CCNY: variants seen among roughly 807,000 people sequenced by gnomAD.
CCNY encodes the protein cyclin Y.
CCNY carries 19 observed loss-of-function variants against 42.8 expected under a neutral mutation model. The ratio of observed to expected loss-of-function variants is 0.44; its 90% CI spans 0.31 to 0.65. The LOEUF (loss-of-function observed/expected upper bound fraction) is 0.65. Ranked by LOEUF, CCNY falls within the 30% of genes least tolerant of loss-of-function variation. CCNY has a pLI of 0.07. For synonymous variants in CCNY, 165 were observed against 162.7 expected, an observed-to-expected ratio of 1.01 and a Z score of -0.11; for missense variants, 370 against 437.3, an observed-to-expected ratio of 0.85 and a Z score of 1.37.
At chr10:35,410,699 C>G (rs1837884482) in intron 1 of CCNY, among the ~76,000 whole-genome samples, 1 of 152,204 alleles carries the variant, frequency 6.6e-6, no homozygotes, top group South Asian at 2.1e-4. Flanking sequence ...GAAATCAGTG[C>G]AAGCATACCA....
chr10:35,538,668 G>C (rs1840936053), intron 7 of CCNY, among the ~76,000 whole-genome samples: 1 of 152,178 alleles, frequency 6.6e-6, no homozygotes, highest in Non-Finnish European at 1.5e-5. Flanking sequence ...TCTTTTAGTT[G>C]TTGCATTATA....
intron 3 of CCNY, among the ~76,000 whole-genome samples, chr10:35,301,726 C>T (rs1429557144): frequency 3.3e-5 from 5 of 152,136 alleles, no homozygotes; most frequent in South Asian, 2.1e-4. Flanking sequence ...TCTCCCTGGG[C>T]GCAAGTGATC....
At chr10:35,377,561 A>C (rs532915964) in intron 1 of CCNY, among the ~76,000 whole-genome samples, 1 of 152,304 alleles carries the variant, frequency 6.6e-6, no homozygotes, top group South Asian at 2.1e-4. Context: ...TTACCTAACA[A>C]TACATTTCTC....
chr10:35,304,131 C>T (rs1268156775), intron 3 of CCNY, among the ~76,000 whole-genome samples: 2 of 152,126 alleles, frequency 1.3e-5, no homozygotes, highest in Non-Finnish European at 2.9e-5. Flanking sequence ...AGTAGCTTTG[C>T]ACCTCCTGCA....
intron 1 of CCNY, among the ~76,000 whole-genome samples, chr10:35,434,892 T>TA (rs1189805754): frequency 6.6e-6 from 1 of 152,214 alleles, no homozygotes; most frequent in African/African-American, 2.4e-5. Flanking sequence ...TTGTGCCCCT[T>TA]ATACTTTCTT....
chr10:35,552,852 C>T (rs1054697709), intron 7 of CCNY, among the ~76,000 whole-genome samples, 167 bp from the exon 8 acceptor site: 2 of 152,124 alleles, frequency 1.3e-5, no homozygotes, highest in South Asian at 4.1e-4. Flanking sequence ...TTTTAGCCCA[C>T]GTTTCATCAG....
At chr10:35,379,391 G>A (rs940527594) in intron 1 of CCNY, among the ~76,000 whole-genome samples, 5 of 152,330 alleles carry the variant, frequency 3.3e-5, no homozygotes, top group Non-Finnish European at 5.9e-5. Context: ...AGGGGAAGGT[G>A]GGGAGCGGTG....
intron 3 of CCNY, among the ~76,000 whole-genome samples, chr10:35,318,626 A>G (rs2135093117): frequency 6.6e-6 from 1 of 152,274 alleles, no homozygotes; most frequent in South Asian, 2.1e-4. Flanking sequence ...AGTTCTGACT[A>G]TATGTTTCCC....
chr10:35,566,275 C>T (rs1841570709), intron 9 of CCNY, 90 bp downstream of exon 9: 5 of 1,270,406 alleles, frequency 3.9e-6, no homozygotes, highest in South Asian at 2.9e-5. Context: ...TTGATCATTT[C>T]CCCCACTACA....
Position 35,436,695 on chromosome 10 carries a change from TTCTGTACGTTGGATGAAAATGAAA to T in CCNY, c.155-46681_155-46658del, listed in dbSNP as rs1199584463. On this transcript the variant is annotated intron_variant, in intron 1 of 9. Transcript: ENST00000374704. ...TTTTAGAACTGGTGGTGGCTTTGAC[TTCTGTACGTTGGATGAAAATGAAA>T]TCTGTACGTTGGATGAAAATGAAAT... 2.0e-4 allele frequency among the ~76,000 whole-genome samples: 31 copies of T among 152,358 alleles called. No homozygotes were observed. In the East Asian group the frequency reaches 5.4e-3, roughly 26 times the overall value.
chr10:35,358,062 T>G (rs1175632670), intron 1 of CCNY, among the ~76,000 whole-genome samples: 1 of 152,192 alleles, frequency 6.6e-6, no homozygotes, highest in Non-Finnish European at 1.5e-5. Context: ...GACATTTGCT[T>G]TTTAGAAATC....
intron 3 of CCNY, among the ~76,000 whole-genome samples, chr10:35,253,414 ATTTTTTTTT>A (rs61405875): frequency 0.15 from 13,372 of 88,790 alleles, 847 homozygotes; most frequent in Middle Eastern, 0.24. Flanking sequence ...CATGCTCACT[ATTTTTTTTT>A]TTTTTTTTTT....
At chr10:35,380,955 A>C (rs1837170010) in intron 1 of CCNY, among the ~76,000 whole-genome samples, 2 of 152,130 alleles carry the variant, frequency 1.3e-5, no homozygotes, top group South Asian at 4.1e-4. Context: ...CTGGGCTTGA[A>C]GCGTCCGAGT....
chr10:35,270,693 C>A (rs949066586), intron 3 of CCNY, among the ~76,000 whole-genome samples: 1 of 150,730 alleles, frequency 6.6e-6, no homozygotes, highest in African/African-American at 2.4e-5. Context: ...TACCCCTTTT[C>A]GCAATTCTTA....
chr10:35,502,741 T>C (rs1357833578), intron 3 of CCNY, among the ~76,000 whole-genome samples: 4 of 152,032 alleles, frequency 2.6e-5, no homozygotes, highest in African/African-American at 9.7e-5. Flanking sequence ...ATATGAAAAT[T>C]GCCATGCCTT....
chr10:35,292,781 G>GTTT (rs71033391), intron 3 of CCNY, among the ~76,000 whole-genome samples: 59 of 108,782 alleles, frequency 5.4e-4, no homozygotes, highest in African/African-American at 1.3e-3. Flanking sequence ...CTTTGTTTTT[G>GTTT]TTTTTTTTTT....
intron 1 of CCNY, among the ~76,000 whole-genome samples, chr10:35,396,124 G>C (rs1393937207): frequency 6.6e-6 from 1 of 152,178 alleles, no homozygotes; most frequent in Non-Finnish European, 1.5e-5. Context: ...GCACATAGCA[G>C]GTGCTTGATA....
chr10:35,329,755 T>TTGTGAGCAGG (rs1335501718), intron 3 of CCNY, among the ~76,000 whole-genome samples: 2 of 150,998 alleles, frequency 1.3e-5, no homozygotes. Flanking sequence ...ACAGAGGGAG[T>TTGTGAGCAGG]TGTGAGCAGG....
chr10:35,462,698 G>A (rs1047797326), intron 1 of CCNY, among the ~76,000 whole-genome samples: 2 of 152,194 alleles, frequency 1.3e-5, no homozygotes, highest in African/African-American at 4.8e-5. Flanking sequence ...AGAGCAGAGG[G>A]GCTGGTGCTG....
Sources: gnomAD v4.1 joint callset for allele counts (sites outside exome capture counted in the v4.1 genomes callset) on GRCh38, gnomAD v4.1.1 for gene constraint, MANE v1.5 for transcripts, NCBI Gene and HGNC (gene_info 2026-07-23, HGNC 2026-07-21) for gene names.